The following TENM3 variants were observed in gnomAD, a reference collection of about 807,000 sequenced individuals.
TENM3 encodes teneurin-3.
In TENM3, 63 loss-of-function variants were observed where a neutral mutation model predicts 255.1. The ratio of observed to expected loss-of-function variants is 0.25; its 90% confidence interval spans 0.20 to 0.30. The LOEUF (loss-of-function observed/expected upper bound fraction) is 0.30, where lower values mean the gene tolerates loss of function less well. Ranked by LOEUF, TENM3 falls within the 10% of genes least tolerant of loss-of-function variation. TENM3 has a pLI of 1.00. For missense variants in TENM3, 2,929 were observed against 3,461.1 expected, an observed-to-expected ratio of 0.85 and a Z score of 3.86; for synonymous variants, 1,306 against 1,322.3, an observed-to-expected ratio of 0.99 and a Z score of 0.27.
chr4:182,609,343 A>G (rs73006943), intron 4 of TENM3, among the ~76,000 whole-genome samples: 1,785 of 152,242 alleles, frequency 0.012, 38 homozygotes, highest in African/African-American at 0.041. Flanking sequence ...AGATAATTGC[A>G]TATCTTTTTC....
intron 2 of TENM3, among the ~76,000 whole-genome samples, chr4:182,334,731 T>C (rs1297776642): frequency 6.6e-6 from 1 of 152,186 alleles, no homozygotes; most frequent in Non-Finnish European, 1.5e-5. Flanking sequence ...CTGGCACAAC[T>C]GGTTATCCAT....
chr4:181,730,464 C>A, the TENM3 span, among the ~76,000 whole-genome samples: 1 of 152,274 alleles, frequency 6.6e-6, no homozygotes, highest in East Asian at 1.9e-4. Flanking sequence ...TGGCCTCCAA[C>A]CTGTAGGTAA....
chr4:181,651,644 A>T, the TENM3 span, among the ~76,000 whole-genome samples: 1 of 152,176 alleles, frequency 6.6e-6, no homozygotes. Flanking sequence ...TATACTAGGC[A>T]TAGAGAACTC....
intron 3 of TENM3, among the ~76,000 whole-genome samples, chr4:182,590,769 A>C (rs1200997948): frequency 6.6e-6 from 1 of 151,556 alleles, no homozygotes; most frequent in African/African-American, 2.4e-5. Flanking sequence ...GAATCACTTG[A>C]ACCTCAGAGG....
At chr4:182,696,656 C>G (rs1223144032) in intron 12 of TENM3, among the ~76,000 whole-genome samples, 2 of 151,578 alleles carry the variant, frequency 1.3e-5, no homozygotes, top group Non-Finnish European at 2.9e-5. Flanking sequence ...ACCAGGGAGT[C>G]AGAGGTTGCA....
At chr4:182,244,129 A>G (rs1184283005) in intron 1 of TENM3, among the ~76,000 whole-genome samples, 1 of 150,052 alleles carries the variant, frequency 6.7e-6, no homozygotes, top group Non-Finnish European at 1.5e-5. Flanking sequence ...AATTTTTTGT[A>G]TTTTTAGTAG....
chr4:181,611,441 G>A, the TENM3 span, among the ~76,000 whole-genome samples: 4 of 151,942 alleles, frequency 2.6e-5, no homozygotes, highest in African/African-American at 7.3e-5. Flanking sequence ...CCTCTTCTGC[G>A]TTTTTTCTTT....
the TENM3 span, among the ~76,000 whole-genome samples, chr4:181,732,079 G>T: frequency 6.6e-6 from 1 of 152,110 alleles, no homozygotes; most frequent in Admixed American, 6.6e-5. Flanking sequence ...AAGTTATCTT[G>T]CATATAATTT....
chr4:182,467,774 A>G (rs939078537), intron 3 of TENM3, among the ~76,000 whole-genome samples: 5 of 152,214 alleles, frequency 3.3e-5, no homozygotes, highest in Non-Finnish European at 7.3e-5. Flanking sequence ...TATAGTTTAA[A>G]CCCATCTTTA....
chr4:182,392,323 G>A (rs575315395), intron 3 of TENM3, among the ~76,000 whole-genome samples: 8 of 152,268 alleles, frequency 5.3e-5, no homozygotes, highest in African/African-American at 1.9e-4. Context: ...CGCTTTAACT[G>A]TGAAACAGCA....
chr4:182,284,039 T>C (rs1325766836), intron 1 of TENM3, among the ~76,000 whole-genome samples: 9 of 152,242 alleles, frequency 5.9e-5, no homozygotes, highest in African/African-American at 2.2e-4. Flanking sequence ...GTTTATTATA[T>C]GGCTTTTACC....
At chr4:182,174,403 A>AAT (rs1283611155) in intron 1 of TENM3, among the ~76,000 whole-genome samples, 1 of 149,918 alleles carries the variant, frequency 6.7e-6, no homozygotes, top group African/African-American at 2.4e-5. Flanking sequence ...AAAAAAAAAA[A>AAT]AGCTCTGGAT....
chr4:182,193,600 G>A (rs1450217342), intron 1 of TENM3, among the ~76,000 whole-genome samples: 1 of 152,184 alleles, frequency 6.6e-6, no homozygotes, highest in East Asian at 1.9e-4. Flanking sequence ...CTCTTCATCT[G>A]AGCAGCATTT....
Position 182,462,759 on chromosome 4 carries a change from C to T in TENM3, c.511+115830C>T, listed in dbSNP as rs374489136. On this transcript the variant is annotated intron_variant, in intron 3 of 27. Coordinates refer to ENST00000511685, the MANE Select transcript of TENM3 (RefSeq NM_001080477.4). The stretch of plus-strand genomic sequence containing the variant: ...AAAATTAGCTGGGTGTGGTGGTGGG[C>T]GCCTGTGATCCCAGCTACTTGGAAG... Among the ~76,000 whole-genome samples, 14 of 151,656 alleles carry T rather than the reference C, an allele frequency of 9.2e-5. No homozygotes were observed. In the East Asian group the frequency reaches 1.8e-3, roughly 19 times the overall value.
intron 3 of TENM3, among the ~76,000 whole-genome samples, chr4:182,417,444 AT>A (rs1401224541): frequency 6.6e-6 from 1 of 152,188 alleles, no homozygotes; most frequent in African/African-American, 2.4e-5. Context: ...CCCTTTTACT[AT>A]TGTGAATGGT....
chr4:181,868,213 C>G, the TENM3 span, among the ~76,000 whole-genome samples: 2 of 152,102 alleles, frequency 1.3e-5, no homozygotes, highest in Non-Finnish European at 2.9e-5. Flanking sequence ...ATTCTCCACA[C>G]GCCAACAGGT....
the TENM3 span, among the ~76,000 whole-genome samples, chr4:181,499,777 A>G: frequency 6.6e-6 from 1 of 152,208 alleles, no homozygotes; most frequent in African/African-American, 2.4e-5. Flanking sequence ...TTTAAAAAAT[A>G]AGTAGACACT....
chr4:181,737,691 G>C, the TENM3 span, among the ~76,000 whole-genome samples: 2 of 151,890 alleles, frequency 1.3e-5, no homozygotes, highest in African/African-American at 2.4e-5. Context: ...AGATTCCTGA[G>C]GTAAATAACT....
At chr4:182,667,421 C>T (rs1754793968) in intron 6 of TENM3, among the ~76,000 whole-genome samples, 2 of 152,052 alleles carry the variant, frequency 1.3e-5, no homozygotes, top group South Asian at 4.1e-4. Flanking sequence ...GAACTCCTGA[C>T]CTTGTGATCC....
Sources: gnomAD v4.1 joint callset for allele counts (sites outside exome capture counted in the v4.1 genomes callset) on GRCh38, gnomAD v4.1.1 for gene constraint, MANE v1.5 for transcripts, NCBI Gene and HGNC (gene_info 2026-07-23, HGNC 2026-07-21) for gene names.